Variants in PHF24 observed in about 807,000 individuals in gnomAD.
PHF24 encodes the protein PHD finger protein 24, also known as Galpha inhibitory interacting protein.
A neutral mutation model predicts 42.6 loss-of-function variants in PHF24; 25 were observed. That is an observed-to-expected ratio of 0.59 (90% CI 0.43 to 0.82). PHF24 has a LOEUF of 0.82. PHF24 is among the 40% of genes least tolerant of loss of function. The pLI is 0.00. For missense variants in PHF24, 470 were observed against 538.1 expected, an observed-to-expected ratio of 0.87 and a Z score of 1.25; for synonymous variants, 185 against 204.8, an observed-to-expected ratio of 0.90 and a Z score of 0.83.
chr9:34,850,706 C>T, the PHF24 span, among the ~76,000 whole-genome samples: 1 of 152,096 alleles, frequency 6.6e-6, no homozygotes, highest in Non-Finnish European at 1.5e-5. Flanking sequence ...TTTTCTGCTC[C>T]GATTTTTCCC....
the PHF24 span, among the ~76,000 whole-genome samples, chr9:34,846,023 A>G: frequency 2.6e-5 from 4 of 152,036 alleles, no homozygotes; most frequent in Admixed American, 6.6e-5. Flanking sequence ...GGTTGGTTCC[A>G]AGTCTTTGCT....
chr9:34,846,761 T>C, the PHF24 span, among the ~76,000 whole-genome samples: 1 of 152,230 alleles, frequency 6.6e-6, no homozygotes, highest in Non-Finnish European at 1.5e-5. Context: ...TAATCCATCT[T>C]GAATTAATTT....
At chr9:34,916,495 C>A in the PHF24 span, among the ~76,000 whole-genome samples, 1 of 152,188 alleles carries the variant, frequency 6.6e-6, no homozygotes, top group Non-Finnish European at 1.5e-5. Context: ...GTAGTGAAGA[C>A]AATCATCTTA....
the PHF24 span, among the ~76,000 whole-genome samples, chr9:34,778,276 C>G: frequency 6.6e-6 from 1 of 152,106 alleles, no homozygotes; most frequent in Non-Finnish European, 1.5e-5. Context: ...CTAACCATAT[C>G]AATAATAACA....
chr9:34,906,101 G>C, the PHF24 span, among the ~76,000 whole-genome samples: 1 of 152,110 alleles, frequency 6.6e-6, no homozygotes, highest in South Asian at 2.1e-4. Flanking sequence ...GGGGGGAAAG[G>C]AAGTGAGAAG....
At chr9:34,852,361 A>G in the PHF24 span, among the ~76,000 whole-genome samples, 1 of 152,210 alleles carries the variant, frequency 6.6e-6, no homozygotes, top group African/African-American at 2.4e-5. Context: ...CCCAGCCCCT[A>G]CATTGTTCAA....
chr9:34,856,811 G>A, the PHF24 span, among the ~76,000 whole-genome samples: 547 of 152,378 alleles, frequency 3.6e-3, 1 homozygote, highest in South Asian at 0.018. Context: ...GGCAGAGCAG[G>A]TGTGCTGCAC....
chr9:34,691,173 T>C, the PHF24 span: 1 of 1,607,494 alleles, frequency 6.2e-7, no homozygotes, highest in Non-Finnish European at 8.5e-7. Context: ...ACGGTGAATG[T>C]GTGAGCGCCA....
chr9:34,767,684 C>T, the PHF24 span, among the ~76,000 whole-genome samples: 3 of 152,242 alleles, frequency 2.0e-5, no homozygotes, highest in Admixed American at 6.5e-5. Context: ...CGCCCTGCTT[C>T]GGCTCGCGCA....
chr9:34,830,394 T>A, the PHF24 span, among the ~76,000 whole-genome samples: 1 of 152,248 alleles, frequency 6.6e-6, no homozygotes, highest in Non-Finnish European at 1.5e-5. Context: ...TTTACTCATA[T>A]TTAACCTATT....
chr9:34,809,994 G>T, the PHF24 span, among the ~76,000 whole-genome samples: 1 of 150,290 alleles, frequency 6.7e-6, no homozygotes, highest in Non-Finnish European at 1.5e-5. This position sits in a 1 kb window ranked among gnomAD's most constrained non-coding sequence, Gnocchi z 4.1. Context: ...TCGCGTGGGC[G>T]CACGCGCCGC....
intron 1 of PHF24, among the ~76,000 whole-genome samples, chr9:34,967,731 A>G (rs1240107425): frequency 6.6e-6 from 1 of 152,214 alleles, no homozygotes; most frequent in East Asian, 1.9e-4. Context: ...TCACTTCAAG[A>G]ACCCACTGGG....
At chr9:34,921,176 T>TG in the PHF24 span, among the ~76,000 whole-genome samples, 1 of 144,504 alleles carries the variant, frequency 6.9e-6, no homozygotes, top group East Asian at 1.9e-4. Flanking sequence ...TATACCCAGT[T>TG]GTTTTTTTTT....
the PHF24 span, among the ~76,000 whole-genome samples, chr9:34,695,156 C>T: frequency 3.3e-5 from 5 of 152,156 alleles, no homozygotes; most frequent in African/African-American, 4.8e-5. Context: ...CACCCACTCC[C>T]CACCTCTGGG....
At chr9:34,697,213 C>T in the PHF24 span, among the ~76,000 whole-genome samples, 1 of 152,186 alleles carries the variant, frequency 6.6e-6, no homozygotes, top group African/African-American at 2.4e-5. Flanking sequence ...TGTTGTAGAA[C>T]TCCTCAAACT....
At chr9:34,706,937 C>T in the PHF24 span, among the ~76,000 whole-genome samples, 3 of 151,390 alleles carry the variant, frequency 2.0e-5, no homozygotes, top group African/African-American at 7.3e-5. Context: ...TTACAGTGAG[C>T]TATGATCCTA....
the PHF24 span, among the ~76,000 whole-genome samples, chr9:34,925,304 C>T: frequency 3.3e-5 from 5 of 152,156 alleles, no homozygotes; most frequent in African/African-American, 1.2e-4. Context: ...TGGCTTTTTA[C>T]AATTTGACTA....
the PHF24 span, among the ~76,000 whole-genome samples, chr9:34,880,411 C>T: frequency 1.3e-5 from 2 of 152,034 alleles, no homozygotes; most frequent in Non-Finnish European, 2.9e-5. Flanking sequence ...CACAGACTGG[C>T]AAATTGGATA....
chr9:34,768,686 C>T, the PHF24 span, among the ~76,000 whole-genome samples: 1 of 152,176 alleles, frequency 6.6e-6, no homozygotes, highest in African/African-American at 2.4e-5. Flanking sequence ...CTAAAGACTT[C>T]TTCTGGCCCC....
Sources: gnomAD v4.1 joint callset for allele counts (sites outside exome capture counted in the v4.1 genomes callset) on GRCh38, gnomAD v4.1.1 for gene constraint, Gnocchi (gnomAD v3.1) non-coding constraint, MANE v1.5 for transcripts, NCBI Gene and HGNC (gene_info 2026-07-23, HGNC 2026-07-21) for gene names.